Variants in SLC4A4 observed in about 807,000 individuals in gnomAD.
SLC4A4 encodes solute carrier family 4 member 4, also known as electrogenic sodium bicarbonate cotransporter 1.
Under a neutral mutation model 111.5 loss-of-function variants are expected in SLC4A4, and 27 were observed. The ratio of observed to expected loss-of-function variants is 0.24; its 90% CI spans 0.18 to 0.33. The LOEUF is 0.33. SLC4A4 is among the 10% of genes least tolerant of loss of function. The pLI is 1.00. For missense variants in SLC4A4, 909 were observed against 1,315.5 expected, an observed-to-expected ratio of 0.69 and a Z score of 4.78; for synonymous variants, 443 against 463.4, an observed-to-expected ratio of 0.96 and a Z score of 0.57.
At chr4:71,221,979 C>A (rs765909548) in intron 1 of SLC4A4, among the ~76,000 whole-genome samples, 1 of 152,160 alleles carries the variant, frequency 6.6e-6, no homozygotes. Flanking sequence ...CCCAGAAAGA[C>A]CTTCTAAGCA....
intron 2 of SLC4A4, among the ~76,000 whole-genome samples, chr4:71,241,834 A>G (rs988882166): frequency 5.3e-5 from 8 of 152,224 alleles, no homozygotes; most frequent in Admixed American, 2.0e-4. Flanking sequence ...GTACTTGAAT[A>G]GTAACATAGG....
intron 3 of SLC4A4, among the ~76,000 whole-genome samples, chr4:71,326,344 G>A (rs562684459): frequency 2.6e-5 from 4 of 151,920 alleles, no homozygotes; most frequent in African/African-American, 9.6e-5. Context: ...AGAAATAGTT[G>A]ACCTAAGTTT....
intron 2 of SLC4A4, among the ~76,000 whole-genome samples, chr4:71,154,467 A>G (rs150879709): frequency 6.6e-6 from 1 of 152,326 alleles, no homozygotes; most frequent in East Asian, 1.9e-4. Context: ...TAGAGGAAGG[A>G]AGAAAGAAGA....
chr4:71,116,135 T>A (rs1042723503), intron 2 of SLC4A4, among the ~76,000 whole-genome samples: 2 of 152,178 alleles, frequency 1.3e-5, no homozygotes, highest in African/African-American at 4.8e-5. Context: ...CCTCACGTGG[T>A]CCACTGCCTT....
chr4:71,358,807 TTTTA>T (rs1730509652), intron 6 of SLC4A4, among the ~76,000 whole-genome samples: 1 of 152,140 alleles, frequency 6.6e-6, no homozygotes, highest in African/African-American at 2.4e-5. Context: ...GTCACAAATA[TTTTA>T]TTTAACAATT....
chr4:71,381,274 G>T (rs1333682223), intron 6 of SLC4A4, among the ~76,000 whole-genome samples: 1 of 152,148 alleles, frequency 6.6e-6, no homozygotes, highest in Non-Finnish European at 1.5e-5. Context: ...TTAAGCTAGG[G>T]TCTTGATTTT....
At chr4:71,386,097 A>C (rs1034951368) in intron 6 of SLC4A4, among the ~76,000 whole-genome samples, 1 of 151,650 alleles carries the variant, frequency 6.6e-6, no homozygotes, top group African/African-American at 2.4e-5. Flanking sequence ...TTCTTTATTG[A>C]AGACAATTTT....
At chr4:71,292,361 CTG>C (rs1203936423) in intron 3 of SLC4A4, among the ~76,000 whole-genome samples, 1 of 152,170 alleles carries the variant, frequency 6.6e-6, no homozygotes, top group African/African-American at 2.4e-5. Flanking sequence ...TATAGCAAAA[CTG>C]TACTTAGCCC....
intron 7 of SLC4A4, among the ~76,000 whole-genome samples, chr4:71,433,239 C>T (rs375892623): frequency 1.3e-5 from 2 of 151,434 alleles, no homozygotes; most frequent in Non-Finnish European, 2.9e-5. Flanking sequence ...ATCATAATCC[C>T]GCCAAATCTC....
intron 3 of SLC4A4, among the ~76,000 whole-genome samples, chr4:71,320,366 C>G (rs1210689237): frequency 2.0e-5 from 3 of 151,990 alleles, no homozygotes; most frequent in Non-Finnish European, 2.9e-5. Context: ...ATTTGCTGCT[C>G]TGGCATTTGC....
intron 2 of SLC4A4, among the ~76,000 whole-genome samples, chr4:71,157,754 C>T (rs1358231870): frequency 1.3e-5 from 2 of 152,124 alleles, no homozygotes; most frequent in Non-Finnish European, 2.9e-5. Context: ...TTACACTACA[C>T]ATGTAAGAAT....
chr4:71,287,692 G>T (rs1193143232), intron 3 of SLC4A4, among the ~76,000 whole-genome samples: 1 of 152,194 alleles, frequency 6.6e-6, no homozygotes, highest in East Asian at 1.9e-4. Flanking sequence ...ATTTACTCTG[G>T]ATTTCTTTAT....
intron 3 of SLC4A4, among the ~76,000 whole-genome samples, chr4:71,266,750 TAACAGGA>T (rs1201992169): frequency 6.6e-6 from 1 of 152,170 alleles, no homozygotes; most frequent in Non-Finnish European, 1.5e-5. Context: ...CTAGCCACTG[TAACAGGA>T]TGAGGAAAGA....
At chr4:71,378,250 T>C (rs1732602839) in intron 6 of SLC4A4, among the ~76,000 whole-genome samples, 1 of 152,174 alleles carries the variant, frequency 6.6e-6, no homozygotes. Flanking sequence ...AAATATTTGG[T>C]GGGCAGCACT....
intron 8 of SLC4A4, among the ~76,000 whole-genome samples, chr4:71,441,692 A>G (rs983788814): frequency 2.0e-5 from 3 of 152,172 alleles, no homozygotes; most frequent in Non-Finnish European, 4.4e-5. Context: ...AGATTTCTTT[A>G]GAGCCTGGTT....
chr4:71,493,753 C>A (rs5859266), intron 15 of SLC4A4, among the ~76,000 whole-genome samples: 15 of 151,066 alleles, frequency 9.9e-5, no homozygotes, highest in East Asian at 4.0e-4. Flanking sequence ...TTTCATCCCC[C>A]TAACCAGATT....
chr4:71,464,561 CA>C (rs1385307911), intron 12 of SLC4A4, among the ~76,000 whole-genome samples: 5 of 152,118 alleles, frequency 3.3e-5, no homozygotes, highest in African/African-American at 1.2e-4. Flanking sequence ...ACCTTCCTGC[CA>C]GGCTTCAAAC....
At chr4:71,435,568 T>G (rs963152263) in intron 7 of SLC4A4, among the ~76,000 whole-genome samples, 1 of 152,222 alleles carries the variant, frequency 6.6e-6, no homozygotes, top group Non-Finnish European at 1.5e-5. Flanking sequence ...TGGGATCTAA[T>G]TAAACAGAAG....
At chr4:71,506,396 G>C (rs1162749271) in intron 16 of SLC4A4, among the ~76,000 whole-genome samples, 2 of 152,058 alleles carry the variant, frequency 1.3e-5, no homozygotes, top group Non-Finnish European at 2.9e-5. Flanking sequence ...TCTCATTGAA[G>C]AGGTCCACTT....
Sources: gnomAD v4.1 joint callset for allele counts (sites outside exome capture counted in the v4.1 genomes callset) on GRCh38, gnomAD v4.1.1 for gene constraint, MANE v1.5 for transcripts, NCBI Gene and HGNC (gene_info 2026-07-23, HGNC 2026-07-21) for gene names.